The following TENM4 variants were observed in gnomAD, a reference collection of about 807,000 sequenced individuals.
TENM4 encodes the protein teneurin transmembrane protein 4.
In TENM4, 82 loss-of-function variants were observed where a neutral mutation model predicts 243.3. That is an observed-to-expected ratio of 0.34 (90% CI 0.28 to 0.40). The LOEUF (loss-of-function observed/expected upper bound fraction) is 0.40. Ranked by LOEUF, TENM4 falls within the 10% of genes least tolerant of loss-of-function variation. TENM4 has a pLI of 1.00. For missense variants in TENM4, 3,138 were observed against 3,673.3 expected, an observed-to-expected ratio of 0.85 and a Z score of 3.77; for synonymous variants, 1,412 against 1,456.3, an observed-to-expected ratio of 0.97 and a Z score of 0.69.
chr11:79,075,701 T>C (rs934259131), intron 4 of TENM4, among the ~76,000 whole-genome samples: 3 of 152,222 alleles, frequency 2.0e-5, no homozygotes, highest in Admixed American at 6.5e-5. Context: ...GAAGAGCATG[T>C]GGCCCCCAGG....
chr11:79,156,671 A>G (rs1199960995), intron 3 of TENM4, among the ~76,000 whole-genome samples: 1 of 152,056 alleles, frequency 6.6e-6, no homozygotes, highest in Non-Finnish European at 1.5e-5. Context: ...TGCTGGTGCA[A>G]TTGTCCCCTT....
intron 6 of TENM4, among the ~76,000 whole-genome samples, chr11:79,056,866 T>C (rs1859957412): frequency 6.6e-6 from 1 of 152,186 alleles, no homozygotes; most frequent in South Asian, 2.1e-4. Flanking sequence ...AAGGTAGCTG[T>C]GAGGCTGGGA....
chr11:78,712,708 A>G lies in TENM4; in HGVS notation c.3828T>C (p.Ser1276=). The change falls in exon 26 of 34, where the codon AGT becomes AGC. Residue 1276 remains serine (S), a synonymous_variant. Transcript: ENST00000278550. ...LRNKDFRHSH[S]PAHKYYLATD... ...TGGCCAGGTAGTATTTGTGTGCTGG[A>G]CTGTGACTAGAAAACAAAGACATGG... is the stretch of plus-strand genomic sequence containing the variant. The G allele has an allele frequency of 6.2e-7, 1 of 1,613,322 alleles. No homozygotes were observed. Among genetic ancestry groups the G allele is most frequent in the Non-Finnish European group, 8.5e-7 (1 of 1,179,290 alleles).
At chr11:79,123,832 G>C (rs765404078) in intron 4 of TENM4, among the ~76,000 whole-genome samples, 10 of 152,146 alleles carry the variant, frequency 6.6e-5, no homozygotes, top group Non-Finnish European at 8.8e-5. Context: ...AAATAAGTTT[G>C]GGAAACATGA....
intron 12 of TENM4, among the ~76,000 whole-genome samples, chr11:78,829,044 C>T (rs145162648): frequency 6.6e-6 from 1 of 152,358 alleles, no homozygotes; most frequent in African/African-American, 2.4e-5. Flanking sequence ...ACTCAGCTAT[C>T]TGTATGCCTA....
intron 16 of TENM4, among the ~76,000 whole-genome samples, chr11:78,783,912 A>G (rs995458845): frequency 3.3e-5 from 5 of 152,202 alleles, no homozygotes; most frequent in Non-Finnish European, 5.9e-5. Flanking sequence ...CTTGGCCATA[A>G]GGGGCCCAGA....
chr11:79,024,288 T>C (rs1859016528), intron 6 of TENM4, among the ~76,000 whole-genome samples: 1 of 152,178 alleles, frequency 6.6e-6, no homozygotes, highest in Non-Finnish European at 1.5e-5. Context: ...CTGTGGTCTG[T>C]CTCAGTTCCA....
At chr11:79,269,483 A>C (rs1855932891) in intron 2 of TENM4, 1 of 152,238 alleles carries the variant, frequency 6.6e-6, no homozygotes, top group African/African-American at 2.4e-5. Context: ...AAGCAGAAAT[A>C]AAGCACTCTC....
intron 12 of TENM4, among the ~76,000 whole-genome samples, chr11:78,835,782 T>C (rs1858092480): frequency 6.6e-6 from 1 of 152,168 alleles, no homozygotes; most frequent in South Asian, 2.1e-4. Context: ...CCCTTGTTGG[T>C]GCACTCCTAG....
intron 28 of TENM4, among the ~76,000 whole-genome samples, chr11:78,695,458 G>T (rs1157502941): frequency 6.6e-6 from 1 of 152,156 alleles, no homozygotes; most frequent in Admixed American, 6.5e-5. Flanking sequence ...CCGCCTCCTG[G>T]ATTTAAGTGA....
chr11:78,803,782 T>C (rs1857332381), intron 15 of TENM4, among the ~76,000 whole-genome samples: 1 of 152,226 alleles, frequency 6.6e-6, no homozygotes, highest in Non-Finnish European at 1.5e-5. Context: ...TAAATTAGCT[T>C]TGTGGCCACA....
At chr11:78,800,854 T>A (rs936412424) in intron 15 of TENM4, among the ~76,000 whole-genome samples, 1 of 152,080 alleles carries the variant, frequency 6.6e-6, no homozygotes, top group Non-Finnish European at 1.5e-5. Flanking sequence ...CCGCCACTTA[T>A]GAGTCGGGTG....
At chr11:79,424,487 T>C (rs1859005190) in intron 1 of TENM4, among the ~76,000 whole-genome samples, 1 of 152,134 alleles carries the variant, frequency 6.6e-6, no homozygotes, top group African/African-American at 2.4e-5. Flanking sequence ...TGGATGCCTG[T>C]AGTCCTAGCT....
chr11:78,658,277 T>G lies in TENM4; in HGVS notation c.8091A>C (p.Arg2697Ser). Residue 2697 changes from arginine to serine, a missense_variant, in exon 34 of 34, where the codon AGA (arginine) becomes AGC (serine). By Grantham distance (110) the Arg-to-Ser change is moderately radical. Coordinates refer to ENST00000278550, the MANE Select transcript of TENM4 (RefSeq NM_001098816.3). Reference protein sequence around the residue: ...KARVLELARQRAVRQAWAREQ... With the variant: ...KARVLELARQSAVRQAWAREQ... ...CGCGGGCCCACGCTTGGCGCACGGC[T>G]CTCTGCCGGGCCAGCTCCAGGACCC... The G allele has an allele frequency of 6.2e-7, 1 of 1,613,038 alleles. No homozygotes were observed. Among genetic ancestry groups the G allele is most frequent in the Non-Finnish European group, 8.5e-7 (1 of 1,179,168 alleles).
chr11:78,745,208 CTTTCTTTTTTTTCTT>C (rs1402404983), intron 19 of TENM4, among the ~76,000 whole-genome samples: 1 of 150,244 alleles, frequency 6.7e-6, no homozygotes. Flanking sequence ...CACTGTCCCT[CTTTCTTTTTTTTCTT>C]TTTCTTTTTT....
At chr11:79,376,953 G>T (rs1857904674) in intron 1 of TENM4, among the ~76,000 whole-genome samples, 1 of 152,172 alleles carries the variant, frequency 6.6e-6, no homozygotes, top group East Asian at 1.9e-4. Flanking sequence ...TTTGGTAAAA[G>T]GATCTTTGCT....
chr11:78,886,984 G>C (rs1387618043), intron 9 of TENM4, among the ~76,000 whole-genome samples: 3 of 152,118 alleles, frequency 2.0e-5, no homozygotes, highest in African/African-American at 4.8e-5. Flanking sequence ...GACTGCAATA[G>C]TTTCCCAACA....
chr11:79,039,338 C>T (rs1195631908), intron 6 of TENM4, among the ~76,000 whole-genome samples: 1 of 152,190 alleles, frequency 6.6e-6, no homozygotes, highest in African/African-American at 2.4e-5. Flanking sequence ...CAACAGAGGA[C>T]AAATCCCAGC....
intron 5 of TENM4, among the ~76,000 whole-genome samples, chr11:79,066,703 C>A (rs896608722): frequency 6.8e-5 from 10 of 147,674 alleles, no homozygotes; most frequent in African/African-American, 2.3e-4. Flanking sequence ...CTCGAGCACA[C>A]ACACGCATGC....
Sources: gnomAD v4.1 joint callset for allele counts (sites outside exome capture counted in the v4.1 genomes callset) on GRCh38, gnomAD v4.1.1 for gene constraint, MANE v1.5 for transcripts, NCBI Gene and HGNC (gene_info 2026-07-23, HGNC 2026-07-21) for gene names.